ODR4: variants seen among roughly 807,000 people sequenced by gnomAD.
The protein encoded by ODR4 is odr-4 GPCR localization factor homolog.
ODR4 carries 47 observed loss-of-function variants against 60.2 expected under a neutral mutation model. The ratio of observed to expected loss-of-function variants is 0.78; its 90% CI spans 0.62 to 1.00. The LOEUF (loss-of-function observed/expected upper bound fraction) is 1.00. Ranked by LOEUF, ODR4 falls within the 50% of genes least tolerant of loss-of-function variation. The probability of loss-of-function intolerance (pLI) is 0.00; values close to 1 mark genes in which losing one functional copy is unlikely to be tolerated. For synonymous variants in ODR4, 178 were observed against 175.5 expected (o/e 1.01, Z -0.11); for missense variants, 488 against 530.8 (o/e 0.92, Z 0.79).
chr1:186,432,470 A>G, the ODR4 span, among the ~76,000 whole-genome samples: 2 of 152,134 alleles, frequency 1.3e-5, no homozygotes, highest in African/African-American at 2.4e-5. Flanking sequence ...TTTCAGATTG[A>G]TAGAATTAAC....
Position 186,379,836 on chromosome 1 carries a change from C to T in ODR4, c.51C>T (p.Asn17=). ...AGACTGTTGGCCAGTATCTTTCAAACATAAATCTCCAAGGAAAGGCTTTTG... is the reference window on the plus strand; with the variant it reads ...AGACTGTTGGCCAGTATCTTTCAAATATAAATCTCCAAGGAAAGGCTTTTG... The part of the protein sequence containing the change: ...VEETVGQYLS[N]INLQGKAFVS... Residue 17 remains asparagine (N), a synonymous_variant, in exon 2 of 14, where the codon AAC becomes AAT. Transcript: ENST00000287859. The T allele has an allele frequency of 6.2e-7, 1 of 1,609,404 alleles. No individual in the cohort carries two copies. The highest frequency in any genetic ancestry group is 1.1e-5 in the South Asian group (1 of 90,148).
chr1:186,408,087 C>T (rs1218121139), intron 12 of ODR4, among the ~76,000 whole-genome samples: 3 of 152,086 alleles, frequency 2.0e-5, no homozygotes, highest in Non-Finnish European at 4.4e-5. Flanking sequence ...CTTACAAATA[C>T]TAAATTATCA....
intron 12 of ODR4, among the ~76,000 whole-genome samples, chr1:186,407,782 A>G (rs1403082645): frequency 2.0e-5 from 3 of 152,104 alleles, no homozygotes; most frequent in African/African-American, 7.2e-5. Flanking sequence ...CAGTTTCCAG[A>G]CCACATTTTT....
Position 186,419,335 on chromosome 1 carries a change from A to G in ODR4, c.*259A>G. ...TGCATGTAACAAATCATTATTATCT[A>G]TTTTTAAAAGCTTCAAAATGATGGG... On this transcript the variant is annotated 3_prime_UTR_variant, in exon 14 of 14. Coordinates refer to ENST00000287859, the MANE Select transcript of ODR4 (RefSeq NM_017847.6). The G allele has an allele frequency of 2.2e-6, 1 of 465,090 alleles. No individual in the cohort carries two copies. The highest frequency in any genetic ancestry group is 3.9e-6 in the Non-Finnish European group (1 of 257,846). 28.8% of individuals were successfully genotyped at this position (465,090 alleles called of 1,614,324 possible). A position where few individuals can be genotyped will look rare whatever the true frequency, so the allele number is the denominator to read the frequency against.
intron 10 of ODR4, 59 bp from the exon 11 acceptor site, chr1:186,398,895 T>C: frequency 1.6e-6 from 2 of 1,239,910 alleles, no homozygotes; most frequent in Non-Finnish European, 2.2e-6. Context: ...GTTAGTTAAA[T>C]ATTGTAAATC....
At chr1:186,401,215 G>A (rs1204502683) in intron 11 of ODR4, 2 of 1,519,832 alleles carry the variant, frequency 1.3e-6, no homozygotes, top group South Asian at 2.3e-5. Flanking sequence ...AAAATTAATG[G>A]CCCCTAACAG....
intron 12 of ODR4, among the ~76,000 whole-genome samples, chr1:186,416,529 G>A (rs1411631289): frequency 2.6e-5 from 4 of 152,162 alleles, no homozygotes; most frequent in East Asian, 1.9e-4. Context: ...AAAGTTAGTC[G>A]GGCATAGTGG....
chr1:186,384,338 A>G (rs113483645), intron 3 of ODR4, among the ~76,000 whole-genome samples: 124 of 151,950 alleles, frequency 8.2e-4, no homozygotes, highest in African/African-American at 2.8e-3. Context: ...TATAGCGAGA[A>G]CTCATTCACT....
intron 6 of ODR4, 67 bp from the exon 7 acceptor site, chr1:186,390,644 G>A: frequency 1.3e-6 from 2 of 1,486,168 alleles, no homozygotes; most frequent in Non-Finnish European, 1.9e-6. Flanking sequence ...ATTTAATAAT[G>A]TTTTGTTGAT....
chr1:186,415,691 C>T (rs988792441), intron 12 of ODR4, among the ~76,000 whole-genome samples: 21 of 152,122 alleles, frequency 1.4e-4, no homozygotes, highest in African/African-American at 4.8e-4. Flanking sequence ...TAGGATTCTT[C>T]AGTCCTAGGG....
rs780465376 is a variant in ODR4, at chr1:186,398,459, G to A, written c.909+18G>A. The A allele has an allele frequency of 8.8e-6, 14 of 1,586,696 alleles. No individual in the cohort carries two copies. Among genetic ancestry groups the A allele is most frequent in the East Asian group, 2.3e-5 (1 of 44,030 alleles). On this transcript the variant is annotated intron_variant, in intron 10 of 13. Coordinates refer to ENST00000287859, the MANE Select transcript of ODR4 (RefSeq NM_017847.6). The stretch of plus-strand genomic sequence containing the variant: ...CTGTGCAGGTACAAAAAGGAATAAC[G>A]AGCATATGGAACCATGTTAACTATT...
intron 12 of ODR4, 47 bp from the exon 13 acceptor site, chr1:186,417,497 G>A (rs1332365926): frequency 9.5e-7 from 1 of 1,055,270 alleles, no homozygotes; most frequent in Admixed American, 2.2e-5. Context: ...AGTTTCATGT[G>A]TTAATCCTTA....
intron 12 of ODR4, among the ~76,000 whole-genome samples, chr1:186,407,391 T>C (rs1196136610): frequency 6.6e-6 from 1 of 152,164 alleles, no homozygotes; most frequent in African/African-American, 2.4e-5. Context: ...GCATTATCTC[T>C]GCCAACGAAA....
At chr1:186,397,821 G>A (rs1457315837) in intron 9 of ODR4, among the ~76,000 whole-genome samples, 1 of 152,196 alleles carries the variant, frequency 6.6e-6, no homozygotes, top group Non-Finnish European at 1.5e-5. Context: ...GATGGGACTA[G>A]TCTATGAAAG....
chr1:186,413,491 G>A lies in ODR4; in HGVS notation c.1187-4053G>A, dbSNP rs1474922933. Among the ~76,000 whole-genome samples, 17 of 152,036 alleles carry A rather than the reference G, an allele frequency of 1.1e-4. 1 individual carries two copies. The highest frequency in any genetic ancestry group is 1.1e-3 in the Admixed American group (17 of 15,264). ...GTCAAAATGACTCGCTTGAGGTGAG[G>A]GATAACTATGGCTTTAAAATTTCTT... is the stretch of plus-strand genomic sequence containing the variant. On this transcript the variant is annotated intron_variant, in intron 12 of 13. Transcript: ENST00000287859.
chr1:186,378,429 T>A (rs1467561059), intron 1 of ODR4, among the ~76,000 whole-genome samples: 1 of 152,236 alleles, frequency 6.6e-6, no homozygotes, highest in Non-Finnish European at 1.5e-5. Context: ...ATGAACTCCT[T>A]GATTTAATCA....
chr1:186,377,440 A>G (rs1311181398), intron 1 of ODR4, among the ~76,000 whole-genome samples: 2 of 152,194 alleles, frequency 1.3e-5, no homozygotes, highest in Non-Finnish European at 2.9e-5. Flanking sequence ...TCATCTCCCT[A>G]TTACATTCAG....
intron 1 of ODR4, among the ~76,000 whole-genome samples, chr1:186,378,002 G>C (rs1056727604): frequency 6.6e-6 from 1 of 151,372 alleles, no homozygotes; most frequent in Non-Finnish European, 1.5e-5. Flanking sequence ...CCGAGATCGC[G>C]CCACTGCACT....
chr1:186,385,697 G>A (rs1388278836), intron 3 of ODR4, among the ~76,000 whole-genome samples: 3 of 151,670 alleles, frequency 2.0e-5, no homozygotes, highest in African/African-American at 4.8e-5. Context: ...GTCAAATGAG[G>A]GTATAAACAT....
Sources: gnomAD v4.1 joint callset for allele counts (sites outside exome capture counted in the v4.1 genomes callset) on GRCh38, gnomAD v4.1.1 for gene constraint, MANE v1.5 for transcripts, NCBI Gene and HGNC (gene_info 2026-07-23, HGNC 2026-07-21) for gene names.